Variants in STK32A observed in about 807,000 individuals in gnomAD.
The protein encoded by STK32A is serine/threonine kinase 32A, also known as serine/threonine-protein kinase 32A.
A neutral mutation model predicts 53.2 loss-of-function variants in STK32A; 41 were observed. The observed-to-expected ratio is 0.77, with a 90% CI of 0.60 to 1.00. STK32A has a LOEUF of 1.00. Ranked by LOEUF, STK32A falls within the 50% of genes least tolerant of loss-of-function variation. The pLI is 0.00. For missense variants in STK32A, 458 were observed against 485.8 expected, an observed-to-expected ratio of 0.94 and a Z score of 0.54; for synonymous variants, 166 against 162.8, an observed-to-expected ratio of 1.02 and a Z score of -0.15.
intron 4 of STK32A, among the ~76,000 whole-genome samples, chr5:147,292,409 C>G (rs1752639013): frequency 6.6e-6 from 1 of 152,110 alleles, no homozygotes; most frequent in Non-Finnish European, 1.5e-5. Flanking sequence ...AAATAGTTTC[C>G]AAATTCTGGA....
intron 5 of STK32A, among the ~76,000 whole-genome samples, chr5:147,328,169 C>T (rs1754693408): frequency 6.6e-6 from 1 of 152,334 alleles, no homozygotes; most frequent in Middle Eastern, 3.4e-3. Context: ...CACAGCAAGT[C>T]TAGCCTAGCA....
chr5:147,252,271 A>C (rs922575281), intron 2 of STK32A, among the ~76,000 whole-genome samples: 2 of 152,188 alleles, frequency 1.3e-5, no homozygotes, highest in Non-Finnish European at 2.9e-5. Context: ...ATTTATTTTT[A>C]TAAAATATTG....
chr5:147,383,270 T>G, intron 11 of STK32A, 171 bp from the exon 12 acceptor site: 1 of 638,016 alleles, frequency 1.6e-6, no homozygotes, highest in Non-Finnish European at 2.8e-6. Flanking sequence ...GTGCTTCCTG[T>G]TTTGCCAGCT....
At chr5:147,400,496 T>A in the STK32A span, among the ~76,000 whole-genome samples, 2 of 152,262 alleles carry the variant, frequency 1.3e-5, no homozygotes, top group Non-Finnish European at 2.9e-5. Flanking sequence ...TCCTTCAGAA[T>A]GCTAGGCCTT....
At chr5:147,381,575 G>A (rs1413185080) in intron 11 of STK32A, among the ~76,000 whole-genome samples, 1 of 151,952 alleles carries the variant, frequency 6.6e-6, no homozygotes, top group African/African-American at 2.4e-5. Context: ...CCCAAGAGGA[G>A]GAGGTTGCAG....
chr5:147,321,462 G>A (rs970136067), intron 4 of STK32A, among the ~76,000 whole-genome samples: 2 of 152,162 alleles, frequency 1.3e-5, no homozygotes, highest in African/African-American at 2.4e-5. Context: ...AGAGCCAAAC[G>A]TGCCTCCATG....
In STK32A at chr5:147,376,531, A is replaced by G. The variant is rs1757239011; in HGVS notation, c.1032+1313A>G. On this transcript the variant is annotated intron_variant, in intron 11 of 12. Coordinates refer to ENST00000397936, the MANE Select transcript of STK32A (RefSeq NM_001112724.2). Reference sequence around the variant, plus strand: ...TACAAGTTTTTAAAGTTTTAGAAATAACTGAGCAATTTAGGAATAACTTTT... The same window carrying G: ...TACAAGTTTTTAAAGTTTTAGAAATGACTGAGCAATTTAGGAATAACTTTT... Among the ~76,000 whole-genome samples the G allele has an allele frequency of 2.0e-5, 3 of 152,324 alleles. No homozygotes were observed. In the South Asian group the frequency reaches 6.2e-4, roughly 32 times the overall value.
At chr5:147,285,887 T>G (rs1194717474) in intron 4 of STK32A, among the ~76,000 whole-genome samples, 1 of 152,182 alleles carries the variant, frequency 6.6e-6, no homozygotes, top group Non-Finnish European at 1.5e-5. Context: ...AGTGTGGAAA[T>G]TACTTAAAGA....
In STK32A at chr5:147,279,402, A is replaced by G. The variant is rs1386546016; in HGVS notation, c.260+4A>G. 6.4e-7 allele frequency: 1 copy of G among 1,569,020 alleles called. No individual in the cohort carries two copies. Among genetic ancestry groups the G allele is most frequent in the Non-Finnish European group, 8.6e-7 (1 of 1,156,530 alleles). On this transcript the variant is annotated splice_donor_region_variant and intron_variant, in intron 4 of 12. Transcript: ENST00000397936. ...ACCCTTTCCTGGTTAATTTGTGGTG[A>G]GTAATTTTACTGGACCTCTGAATAG... is the stretch of plus-strand genomic sequence containing the variant.
intron 5 of STK32A, among the ~76,000 whole-genome samples, chr5:147,334,367 A>T (rs1581106848): frequency 6.6e-6 from 1 of 152,272 alleles, no homozygotes; most frequent in Non-Finnish European, 1.5e-5. Flanking sequence ...CCATTCAGTC[A>T]CCACCCATTA....
intron 4 of STK32A, among the ~76,000 whole-genome samples, chr5:147,284,717 A>C (rs886988596): frequency 8.1e-4 from 122 of 151,368 alleles, no homozygotes; most frequent in African/African-American, 1.3e-3. Context: ...CAAAAAAAAA[A>C]CAAATACTTA....
At chr5:147,359,462 C>T (rs1263604183) in intron 7 of STK32A, among the ~76,000 whole-genome samples, 1 of 152,142 alleles carries the variant, frequency 6.6e-6, no homozygotes, top group East Asian at 1.9e-4. Context: ...GAAAAGAATA[C>T]TCATGTAAAC....
chr5:147,321,531 T>C (rs1300682822), intron 4 of STK32A, among the ~76,000 whole-genome samples: 1 of 152,226 alleles, frequency 6.6e-6, no homozygotes, highest in African/African-American at 2.4e-5. Flanking sequence ...TGCCTGGGCC[T>C]CTTCTGTCTT....
rs180734379 is a variant in STK32A at position 147,326,676 on chromosome 5, A to G, written c.434+2605A>G. 3.9e-3 allele frequency among the ~76,000 whole-genome samples: 589 copies of G among 152,324 alleles called. 4 individuals are homozygous for G. The highest frequency in any genetic ancestry group is 6.0e-3 in the Non-Finnish European group (407 of 68,036). On this transcript the variant is annotated intron_variant, in intron 5 of 12. Transcript: ENST00000397936. ...GCTTACAAGTAGGAAATATTCAAATATAGGACATTAAATCCAAAGGCCTCA... is the reference window on the plus strand; with the variant it reads ...GCTTACAAGTAGGAAATATTCAAATGTAGGACATTAAATCCAAAGGCCTCA...
rs1485566561 is a variant in STK32A at position 147,385,767 on chromosome 5, G to A, written c.*1784G>A. On this transcript the variant is annotated 3_prime_UTR_variant, in exon 13 of 13. Transcript: ENST00000397936. ...GGGTCCAGAAGTGAACAGGCTTGGT[G>A]GGGGATTGTTTTCACCTCTTGGCTA... is the stretch of plus-strand genomic sequence containing the variant. 1 of 152,242 alleles carries A rather than the reference G, an allele frequency of 6.6e-6. No individual in the cohort carries two copies. The highest frequency in any genetic ancestry group is 1.5e-5 in the Non-Finnish European group (1 of 68,090). The allele number at this position is 152,242 out of a possible 1,614,324, so 9.4% of individuals were successfully genotyped here.
chr5:147,292,598 T>C (rs11952303), intron 4 of STK32A, among the ~76,000 whole-genome samples: 3 of 152,026 alleles, frequency 2.0e-5, no homozygotes, highest in African/African-American at 7.2e-5. Context: ...GCCAGGTGCA[T>C]TGGCTGATGC....
Position 147,324,024 on chromosome 5 carries a change from G to A in STK32A, c.387G>A (p.Glu129=). Residue 129 remains glutamate (E), a synonymous_variant, in exon 5 of 13, where the codon GAG becomes GAA. Coordinates refer to ENST00000397936, the MANE Select transcript of STK32A (RefSeq NM_001112724.2). ...KEETVKLFIC[E]LVMALDYLQN... is the part of the protein sequence containing the mutation. The stretch of plus-strand genomic sequence containing the variant: ...AAACAGTGAAGCTCTTCATCTGTGA[G>A]CTGGTCATGGCCCTGGACTACCTGC... 5.6e-6 allele frequency: 9 copies of A among 1,610,488 alleles called. No homozygotes were observed. Among genetic ancestry groups the A allele is most frequent in the Non-Finnish European group, 7.6e-6 (9 of 1,178,434 alleles).
intron 10 of STK32A, among the ~76,000 whole-genome samples, chr5:147,373,900 C>T (rs1485726799): frequency 6.6e-6 from 1 of 152,120 alleles, no homozygotes; most frequent in African/African-American, 2.4e-5. Context: ...CCAAGTGAGG[C>T]CACTAGCTCC....
At chr5:147,282,051 T>G (rs1402771067) in intron 4 of STK32A, among the ~76,000 whole-genome samples, 7 of 152,116 alleles carry the variant, frequency 4.6e-5, no homozygotes, top group African/African-American at 1.7e-4. Flanking sequence ...GACAAACAAA[T>G]GCTGAGAGAA....
Sources: gnomAD v4.1 joint callset for allele counts (sites outside exome capture counted in the v4.1 genomes callset) on GRCh38, gnomAD v4.1.1 for gene constraint, MANE v1.5 for transcripts, NCBI Gene and HGNC (gene_info 2026-07-23, HGNC 2026-07-21) for gene names.